The following CDH23 variants were observed in gnomAD, a reference collection of about 807,000 sequenced individuals.
CDH23 encodes cadherin related 23, also known as cadherin-23.
CDH23 carries 189 observed loss-of-function variants against 317.1 expected under a neutral mutation model. That is an observed-to-expected ratio of 0.60 (90% CI 0.53 to 0.67). The LOEUF is 0.67. CDH23 is among the 30% of genes least tolerant of loss of function. The probability of loss-of-function intolerance (pLI) is 0.00; values close to 1 mark genes in which losing one functional copy is unlikely to be tolerated. For synonymous variants in CDH23, 1,839 were observed against 1,876.8 expected, an observed-to-expected ratio of 0.98 and a Z score of 0.52; for missense variants, 4,401 against 4,592.4, an observed-to-expected ratio of 0.96 and a Z score of 1.20.
At position 71,439,925 on chromosome 10, in the gene CDH23, C is replaced by T. The variant is rs764996798; in HGVS notation, c.67+27C>T. On this transcript the variant is annotated intron_variant, in intron 2 of 69. Coordinates refer to ENST00000224721, the MANE Select transcript of CDH23 (RefSeq NM_022124.6). ...TAAGTCCAGTCCTCCCCGTGTCTAT[C>T]CCATGGGCAGCCTCTGCACGGGAGG... The T allele has an allele frequency of 9.0e-6, 14 of 1,548,322 alleles. No homozygotes were observed. In the Admixed American group the frequency reaches 2.3e-4, roughly 25 times the overall value.
In CDH23 at chr10:71,751,612, G is replaced by A; in HGVS notation, c.4845+9691G>A. 6.7e-7 allele frequency: 1 copy of A among 1,493,876 alleles called. No individual in the cohort carries two copies. Among genetic ancestry groups the A allele is most frequent in the Non-Finnish European group, 8.9e-7 (1 of 1,117,928 alleles). 92.5% of individuals were successfully genotyped at this position (1,493,876 alleles called of 1,614,324 possible). A position where few individuals can be genotyped will look rare whatever the true frequency, so the allele number is the denominator to read the frequency against. On this transcript the variant is annotated intron_variant, in intron 38 of 69. Coordinates refer to ENST00000224721, the MANE Select transcript of CDH23 (RefSeq NM_022124.6). This position sits in a 1 kb window ranked among gnomAD's most constrained non-coding sequence, Gnocchi z 4.9. ...AGGGAGTGAGGCCGATGCCCTGCAG[G>A]CCATGAGGTCATGACCTTACAGGTC... is the stretch of plus-strand genomic sequence containing the variant.
rs552998089 is a variant in CDH23, at chr10:71,778,270, T to C, written c.5149T>C (p.Cys1717Arg). 1.9e-6 allele frequency: 3 copies of C among 1,613,860 alleles called. No individual in the cohort carries two copies. In the South Asian group the frequency reaches 3.3e-5, roughly 18 times the overall value. ...YTLIVTATDQ[C>R]PILSHRLTST... is the part of the protein sequence containing the mutation. ...CCTGATCGTCACTGCCACAGACCAG[T>C]GCCCCATCTTATCCCACCGCCTCAC... The change falls in exon 40 of 70, where the codon TGC becomes CGC. Residue 1717 changes from cysteine to arginine, a missense_variant. Physicochemically the swap from Cys to Arg is radical, Grantham distance 180. Coordinates refer to ENST00000224721, the MANE Select transcript of CDH23 (RefSeq NM_022124.6).
Position 71,807,894 on chromosome 10 carries a change from C to T in CDH23, c.8609C>T (p.Ala2870Val), listed in dbSNP as rs1168332101. Residue 2870 changes from alanine (A) to valine (V), a missense_variant, in exon 60 of 70, where the codon GCC (alanine) becomes GTC (valine). This residue lies in a region of CDH23 where 1,144 missense variants were observed against 1,138.2 expected (regional missense o/e 1.01). Transcript: ENST00000224721. ...KVGSELIQVL[A>V]LDADIGNNSL... is the part of the protein sequence containing the mutation. ...GGCTCAGAGTTGATCCAGGTGCTGG[C>T]CCTGGATGCAGACATTGGCAACAAC... 6.2e-7 allele frequency: 1 copy of T among 1,603,780 alleles called. No homozygotes were observed. The highest frequency in any genetic ancestry group is 8.5e-7 in the Non-Finnish European group (1 of 1,175,218).
At chr10:71,792,155 T>A (rs906552206) in intron 47 of CDH23, among the ~76,000 whole-genome samples, 1 of 152,132 alleles carries the variant, frequency 6.6e-6, no homozygotes, top group African/African-American at 2.4e-5. Flanking sequence ...TAAAATATGA[T>A]GTGATAAAGG....
chr10:71,761,929 C>T, intron 38 of CDH23: 3 of 1,614,066 alleles, frequency 1.9e-6, no homozygotes, highest in Non-Finnish European at 2.5e-6. Flanking sequence ...GCCCTTTGTC[C>T]ACAGGGCCCA....
At chr10:71,637,227 G>C (rs1862318055) in intron 11 of CDH23, among the ~76,000 whole-genome samples, 1 of 152,162 alleles carries the variant, frequency 6.6e-6, no homozygotes, top group South Asian at 2.1e-4. Flanking sequence ...GTACAGCCGA[G>C]GAAGGAGGGA....
chr10:71,408,919 T>C (rs1462250146), intron 1 of CDH23, among the ~76,000 whole-genome samples: 1 of 152,238 alleles, frequency 6.6e-6, no homozygotes. Flanking sequence ...CTCTCCTTTC[T>C]AGTGTTGATG....
chr10:71,570,178 G>C (rs1334617808), intron 7 of CDH23, among the ~76,000 whole-genome samples: 1 of 152,170 alleles, frequency 6.6e-6, no homozygotes, highest in Non-Finnish European at 1.5e-5. Flanking sequence ...AGACCCTGGA[G>C]CTCCCCCTGC....
chr10:71,678,847 T>A, intron 16 of CDH23, among the ~76,000 whole-genome samples: 1 of 152,204 alleles, frequency 6.6e-6, no homozygotes, highest in East Asian at 1.9e-4. Context: ...TGTGGCCAAA[T>A]ACTGTGTTGG....
intron 34 of CDH23, chr10:71,737,651 G>T: frequency 2.1e-6 from 1 of 466,118 alleles, no homozygotes. Flanking sequence ...GGCAGTGGGA[G>T]AAGGCCTGTC....
chr10:71,739,983 T>C (rs1022376906), intron 36 of CDH23, among the ~76,000 whole-genome samples: 6 of 152,116 alleles, frequency 3.9e-5, no homozygotes, highest in African/African-American at 1.4e-4. Flanking sequence ...GGACCTTAGA[T>C]ACCCAGGAGG....
chr10:71,580,763 A>T (rs943728908), intron 9 of CDH23, among the ~76,000 whole-genome samples: 5 of 152,136 alleles, frequency 3.3e-5, no homozygotes, highest in Admixed American at 6.5e-5. Context: ...CTGTTGGGTA[A>T]TGAGCCCCTT....
At chr10:71,723,852 G>T (rs983124989) in intron 28 of CDH23, among the ~76,000 whole-genome samples, 193 bp from the exon 29 acceptor site, 1 of 152,162 alleles carries the variant, frequency 6.6e-6, no homozygotes, top group Non-Finnish European at 1.5e-5. Flanking sequence ...GGCCATCAGC[G>T]GTCGGACATC....
chr10:71,782,549 TG>T (rs1021353276), intron 41 of CDH23, among the ~76,000 whole-genome samples: 2 of 152,194 alleles, frequency 1.3e-5, no homozygotes, highest in Non-Finnish European at 2.9e-5. Flanking sequence ...TGTGGAGGGA[TG>T]GGGAAGTCTG....
At chr10:71,790,551 C>G in intron 46 of CDH23, 138 bp downstream of exon 46, 2 of 1,178,104 alleles carry the variant, frequency 1.7e-6, no homozygotes, top group Non-Finnish European at 2.3e-6. Context: ...CCCAGAGTCC[C>G]CATCTTGCAG....
chr10:71,667,386 G>A (rs1441033649), intron 14 of CDH23, among the ~76,000 whole-genome samples: 8 of 150,182 alleles, frequency 5.3e-5, no homozygotes, highest in African/African-American at 1.7e-4. Flanking sequence ...GTGTGTGTGT[G>A]TGTGTGTGTG....
intron 22 of CDH23, among the ~76,000 whole-genome samples, chr10:71,699,407 C>T (rs1159431289): frequency 2.0e-5 from 3 of 152,374 alleles, no homozygotes; most frequent in East Asian, 3.9e-4. Flanking sequence ...ATTTTCAGAG[C>T]TTGCATGCAG....
chr10:71,804,870 AG>A (rs1335236481), intron 55 of CDH23, among the ~76,000 whole-genome samples: 2 of 152,232 alleles, frequency 1.3e-5, no homozygotes, highest in African/African-American at 4.8e-5. Context: ...GGAATGAGGC[AG>A]GGTACAAATT....
At chr10:71,643,391 AT>A (rs1374654333) in intron 11 of CDH23, among the ~76,000 whole-genome samples, 4 of 152,136 alleles carry the variant, frequency 2.6e-5, no homozygotes, top group Admixed American at 2.0e-4. Flanking sequence ...TGTCTCTGAC[AT>A]TTTTTATGTT....
Sources: gnomAD v4.1 joint callset for allele counts (sites outside exome capture counted in the v4.1 genomes callset) on GRCh38, gnomAD v4.1.1 for gene constraint, gnomAD v4.1.1 regional missense constraint, Gnocchi (gnomAD v3.1) non-coding constraint, MANE v1.5 for transcripts, NCBI Gene and HGNC (gene_info 2026-07-23, HGNC 2026-07-21) for gene names.